AKR1C8: variants seen among roughly 807,000 people sequenced by gnomAD.
AKR1C8 encodes the protein aldo-keto reductase family 1 member C8, also known as aldo-keto reductase family 1 member C-like protein 1.
At chr10:5,167,215 A>T in the AKR1C8 span, among the ~76,000 whole-genome samples, 3 of 152,338 alleles carry the variant, frequency 2.0e-5, no homozygotes, top group South Asian at 6.2e-4. Flanking sequence ...CCCTTATGGA[A>T]GTCAGTATGG....
chr10:5,166,816 C>T, the AKR1C8 span, among the ~76,000 whole-genome samples: 43,935 of 151,838 alleles, frequency 0.29, 7,083 homozygotes, highest in Non-Finnish European at 0.36. Flanking sequence ...AGAGCTTCTG[C>T]ACAGCAAAAG....
the AKR1C8 span, among the ~76,000 whole-genome samples, chr10:5,142,841 T>C: frequency 6.6e-5 from 10 of 151,786 alleles, no homozygotes; most frequent in Admixed American, 6.6e-4. Context: ...AAACACAGAG[T>C]GAACATGTGC....
At chr10:5,143,534 G>A in the AKR1C8 span, among the ~76,000 whole-genome samples, 9 of 151,896 alleles carry the variant, frequency 5.9e-5, no homozygotes, top group African/African-American at 1.7e-4. Context: ...GCTTGGTAGC[G>A]CTTTTCAGAA....
chr10:5,140,100 C>T, the AKR1C8 span, among the ~76,000 whole-genome samples: 3 of 152,028 alleles, frequency 2.0e-5, no homozygotes, highest in African/African-American at 4.8e-5. Flanking sequence ...CAATGAGATA[C>T]CATCTCACAC....
chr10:5,165,099 T>A, the AKR1C8 span, among the ~76,000 whole-genome samples: 1 of 152,170 alleles, frequency 6.6e-6, no homozygotes, highest in Non-Finnish European at 1.5e-5. Flanking sequence ...TTTCACCTAA[T>A]AAGGGCCTTT....
the AKR1C8 span, among the ~76,000 whole-genome samples, chr10:5,121,476 G>GAGTT: frequency 6.6e-6 from 1 of 152,034 alleles, no homozygotes; most frequent in African/African-American, 2.4e-5. Context: ...GAGAAAATGA[G>GAGTT]AGTTGTGACA....
chr10:5,156,554 A>ATCTT, the AKR1C8 span, among the ~76,000 whole-genome samples: 28 of 151,874 alleles, frequency 1.8e-4, no homozygotes, highest in East Asian at 5.2e-3. Context: ...CTATCTATCT[A>ATCTT]ATGTATTTAT....
At chr10:5,161,958 G>T in the AKR1C8 span, 4 of 533,172 alleles carry the variant, frequency 7.5e-6, no homozygotes, top group South Asian at 5.6e-5. Flanking sequence ...CTGCCCGAAA[G>T]AAAGTAGCCC....
At chr10:5,126,597 G>A in the AKR1C8 span, among the ~76,000 whole-genome samples, 914 of 151,994 alleles carry the variant, frequency 6.0e-3, 5 homozygotes, top group African/African-American at 0.021. Context: ...GGCCTGGGGT[G>A]GTATCCCTGG....
At chr10:5,145,004 G>A in the AKR1C8 span, among the ~76,000 whole-genome samples, 1 of 151,422 alleles carries the variant, frequency 6.6e-6, no homozygotes, top group African/African-American at 2.4e-5. Context: ...ATTGGCTGTG[G>A]GTTTGTCATA....
At chr10:5,151,557 GTT>G in the AKR1C8 span, among the ~76,000 whole-genome samples, 566 of 132,628 alleles carry the variant, frequency 4.3e-3, 3 homozygotes, top group African/African-American at 0.015. Context: ...TTCCCTTTGG[GTT>G]TTTTTTTTTT....
At chr10:5,148,739 G>T in the AKR1C8 span, among the ~76,000 whole-genome samples, 1 of 152,112 alleles carries the variant, frequency 6.6e-6, no homozygotes, top group African/African-American at 2.4e-5. Flanking sequence ...TATCTGTTTG[G>T]AAATAAAAGG....
the AKR1C8 span, chr10:5,153,993 T>C: frequency 8.7e-6 from 2 of 230,658 alleles, no homozygotes; most frequent in Non-Finnish European, 1.9e-5. Flanking sequence ...AAACATCTTC[T>C]TGTTAAAGTC....
chr10:5,181,865 T>C, the AKR1C8 span, among the ~76,000 whole-genome samples: 1 of 152,164 alleles, frequency 6.6e-6, no homozygotes, highest in Non-Finnish European at 1.5e-5. Flanking sequence ...AAAGATGATT[T>C]ATAATCAACT....
the AKR1C8 span, among the ~76,000 whole-genome samples, chr10:5,181,106 G>A: frequency 2.0e-5 from 3 of 152,188 alleles, no homozygotes; most frequent in Non-Finnish European, 2.9e-5. Flanking sequence ...GTAGACCAGA[G>A]CTGTTCCTAT....
chr10:5,120,048 GTTGT>G, the AKR1C8 span, among the ~76,000 whole-genome samples: 5 of 152,152 alleles, frequency 3.3e-5, no homozygotes, highest in African/African-American at 1.2e-4. Flanking sequence ...CACACTGAAG[GTTGT>G]TTGTTTACCG....
chr10:5,179,529 T>A, the AKR1C8 span, among the ~76,000 whole-genome samples: 5 of 152,080 alleles, frequency 3.3e-5, no homozygotes, highest in East Asian at 1.9e-4. Context: ...TTGGCCTGCC[T>A]TGCTAGATTG....
the AKR1C8 span, among the ~76,000 whole-genome samples, chr10:5,174,913 A>C: frequency 1.3e-5 from 2 of 152,050 alleles, no homozygotes; most frequent in Admixed American, 1.3e-4. Flanking sequence ...CTAAATTAAA[A>C]AATATTACAT....
chr10:5,142,293 G>A, the AKR1C8 span, among the ~76,000 whole-genome samples: 7 of 152,168 alleles, frequency 4.6e-5, no homozygotes, highest in South Asian at 4.1e-4. Flanking sequence ...TTCTGTCCAC[G>A]TCATTAAAAC....
Sources: gnomAD v4.1 joint callset for allele counts (sites outside exome capture counted in the v4.1 genomes callset) on GRCh38, gnomAD v4.1.1 for gene constraint, MANE v1.5 for transcripts, NCBI Gene and HGNC (gene_info 2026-07-23, HGNC 2026-07-21) for gene names.